Variants in PTPRD observed in about 807,000 individuals in gnomAD.
PTPRD encodes the protein receptor-type tyrosine-protein phosphatase delta.
In PTPRD, 34 loss-of-function variants were observed where a neutral mutation model predicts 214.5. The observed-to-expected ratio is 0.16, with a 90% confidence interval of 0.12 to 0.21. PTPRD has a LOEUF of 0.21. Ranked by LOEUF, PTPRD falls within the 10% of genes least tolerant of loss-of-function variation. The pLI is 1.00. For missense variants in PTPRD, 2,545 were observed against 2,398.7 expected, an observed-to-expected ratio of 1.06 and a Z score of -1.27; for synonymous variants, 1,128 against 845.7, an observed-to-expected ratio of 1.33 and a Z score of -5.79.
At chr9:10,145,294 A>G (rs576498069) in intron 3 of PTPRD, among the ~76,000 whole-genome samples, 1 of 152,164 alleles carries the variant, frequency 6.6e-6, no homozygotes, top group African/African-American at 2.4e-5. Context: ...TGACCCTTTA[A>G]CAACACAGTT....
intron 11 of PTPRD, among the ~76,000 whole-genome samples, chr9:8,900,323 T>C (rs974048881): frequency 1.3e-5 from 2 of 152,178 alleles, no homozygotes; most frequent in African/African-American, 2.4e-5. Flanking sequence ...AATGAAGATA[T>C]TGACATTTAA....
intron 11 of PTPRD, among the ~76,000 whole-genome samples, chr9:8,803,578 A>T (rs2096613862): frequency 6.6e-6 from 1 of 152,072 alleles, no homozygotes; most frequent in African/African-American, 2.4e-5. Flanking sequence ...ACAAAAAATT[A>T]AAAAATTAGT....
intron 10 of PTPRD, among the ~76,000 whole-genome samples, chr9:9,072,280 TACACAC>T (rs201508445): frequency 0.019 from 2,624 of 135,686 alleles, 65 homozygotes; most frequent in African/African-American, 0.058. Context: ...GCTGGCAACT[TACACAC>T]ACACACACAC....
intron 10 of PTPRD, among the ~76,000 whole-genome samples, chr9:9,039,939 G>A (rs1569490291): frequency 6.6e-6 from 1 of 151,734 alleles, no homozygotes; most frequent in Non-Finnish European, 1.5e-5. Context: ...CCTGTTTGGA[G>A]GTCAGCCTAT....
intron 7 of PTPRD, among the ~76,000 whole-genome samples, chr9:9,692,095 G>A (rs1259726662): frequency 9.4e-6 from 1 of 106,544 alleles, no homozygotes; most frequent in African/African-American, 3.3e-5. Context: ...TTTATTGATT[G>A]TTTCCTTTGA....
intron 9 of PTPRD, among the ~76,000 whole-genome samples, chr9:9,308,045 C>G (rs1025076589): frequency 3.9e-5 from 6 of 152,108 alleles, no homozygotes; most frequent in African/African-American, 1.4e-4. Context: ...TAGCTAGTTA[C>G]TCAGCTTAAT....
chr9:10,088,385 A>G (rs1185068488), intron 3 of PTPRD, among the ~76,000 whole-genome samples: 1 of 151,804 alleles, frequency 6.6e-6, no homozygotes, highest in Admixed American at 6.6e-5. Context: ...TTTCATGTCT[A>G]TGGACCCCAA....
chr9:9,034,011 A>G (rs574681926), intron 10 of PTPRD, among the ~76,000 whole-genome samples: 6 of 152,298 alleles, frequency 3.9e-5, no homozygotes, highest in South Asian at 2.1e-4. Flanking sequence ...GTAGTATACA[A>G]AATTCTCCAG....
intron 10 of PTPRD, among the ~76,000 whole-genome samples, chr9:9,134,740 T>C (rs1170872217): frequency 6.6e-6 from 1 of 152,210 alleles, no homozygotes; most frequent in East Asian, 1.9e-4. Context: ...TTTTACTTTC[T>C]TATTTCTTTA....
chr9:8,545,572 C>A (rs1465954443), intron 14 of PTPRD, among the ~76,000 whole-genome samples: 2 of 152,198 alleles, frequency 1.3e-5, no homozygotes, highest in Admixed American at 6.5e-5. Flanking sequence ...TTTCAGAAGG[C>A]AAGGACTATA....
At chr9:9,195,041 T>C (rs2099937527) in intron 9 of PTPRD, among the ~76,000 whole-genome samples, 1 of 149,944 alleles carries the variant, frequency 6.7e-6, no homozygotes, top group Admixed American at 6.7e-5. Flanking sequence ...TGTGTATATA[T>C]ATACATATTT....
intron 10 of PTPRD, among the ~76,000 whole-genome samples, chr9:9,089,917 T>C (rs1371468412): frequency 6.6e-6 from 1 of 152,204 alleles, no homozygotes; most frequent in African/African-American, 2.4e-5. Flanking sequence ...TATTTTGAAA[T>C]CTTTTCCAGT....
chr9:8,885,764 T>C (rs1398699463), intron 11 of PTPRD, among the ~76,000 whole-genome samples: 1 of 152,144 alleles, frequency 6.6e-6, no homozygotes, highest in African/African-American at 2.4e-5. Context: ...CCCAATGTGC[T>C]GGGATTATCA....
At chr9:9,757,269 G>A (rs1427598016) in intron 6 of PTPRD, among the ~76,000 whole-genome samples, 1 of 152,114 alleles carries the variant, frequency 6.6e-6, no homozygotes, top group African/African-American at 2.4e-5. Flanking sequence ...TAAGTTTCAT[G>A]CAAATAGTAG....
At chr9:9,198,120 G>A (rs923385593) in intron 9 of PTPRD, among the ~76,000 whole-genome samples, 6 of 152,184 alleles carry the variant, frequency 3.9e-5, no homozygotes, top group African/African-American at 1.4e-4. Context: ...AATAAAATTT[G>A]AGGTTTATAT....
intron 3 of PTPRD, among the ~76,000 whole-genome samples, chr9:10,227,952 C>A (rs572585648): frequency 6.6e-6 from 1 of 152,054 alleles, no homozygotes; most frequent in East Asian, 2.0e-4. Context: ...TCTTTCCAGT[C>A]ATTCAGAAAG....
At chr9:8,493,069 T>C in intron 26 of PTPRD, 90 bp from the exon 27 acceptor site, 2 of 1,024,404 alleles carry the variant, frequency 2.0e-6, no homozygotes, top group South Asian at 2.8e-5. Flanking sequence ...ATTCTGCAAA[T>C]GCTCGCACAT....
intron 37 of PTPRD, among the ~76,000 whole-genome samples, chr9:8,387,020 G>A (rs2087350784): frequency 6.6e-6 from 1 of 152,142 alleles, no homozygotes; most frequent in African/African-American, 2.4e-5. Flanking sequence ...ATTGGTGGTG[G>A]CTGAGACTCC....
chr9:9,968,595 T>C (rs1362130637), intron 4 of PTPRD, among the ~76,000 whole-genome samples: 1 of 152,134 alleles, frequency 6.6e-6, no homozygotes, highest in African/African-American at 2.4e-5. Context: ...CTTTGCCTAA[T>C]GTGGTGTGTT....
Sources: allele counts gnomAD v4.1 joint callset (sites outside exome capture counted in the v4.1 genomes callset), GRCh38; gene constraint gnomAD v4.1.1; transcripts MANE v1.5; gene names NCBI Gene and HGNC (gene_info 2026-07-23, HGNC 2026-07-21).